DAPK3: variants seen among roughly 807,000 people sequenced by gnomAD.
The protein encoded by DAPK3 is death-associated protein kinase 3.
In DAPK3, 24 loss-of-function variants were observed where a neutral mutation model predicts 30.6. That is an observed-to-expected ratio of 0.78 (90% CI 0.57 to 1.10). The LOEUF is 1.10. DAPK3 is among the 50% of genes least tolerant of loss of function. The pLI, the probability that DAPK3 is intolerant of heterozygous loss-of-function variation, is 0.00. For missense variants in DAPK3, 629 were observed against 657.3 expected (o/e 0.96, Z 0.47); for synonymous variants, 341 against 284.0 (o/e 1.20, Z -2.02).
In DAPK3 at chr19:3,966,979, G is replaced by A. The variant is rs1044943809; in HGVS notation, c.63-1988C>T. Among the ~76,000 whole-genome samples, 10 of 152,214 alleles carry A rather than the reference G, an allele frequency of 6.6e-5. No individual in the cohort carries two copies. In the East Asian group the frequency reaches 1.4e-3, roughly 21 times the overall value. ...CCCAAGAGCTGAGCCCACCCTCTTC[G>A]CTTCTCTGTAACTTCCCCAGCCCCC... is the stretch of plus-strand genomic sequence containing the variant. On this transcript the variant is annotated intron_variant, in intron 2 of 8. Transcript: ENST00000545797.
In DAPK3 at chr19:3,969,718, C is replaced by T; in HGVS notation, c.18G>A (p.Gln6=). 1 of 1,612,226 alleles carries T rather than the reference C, an allele frequency of 6.2e-7. No homozygotes were observed. Among genetic ancestry groups the T allele is most frequent in the Non-Finnish European group, 8.5e-7 (1 of 1,179,048 alleles). Residue 6 remains glutamine (Q), a synonymous_variant, in exon 2 of 9, where the codon CAG becomes CAA. Transcript: ENST00000545797. MSTFR[Q]EDVEDHYEMG... ...TCTCATAATGGTCCTCCACGTCCTC[C>T]TGCCTGAACGTGGACATGGCGGCCG...
At position 3,959,045 on chromosome 19, in the gene DAPK3, G is replaced by GC; in HGVS notation, c.*55dup. On this transcript the variant is annotated 3_prime_UTR_variant, in exon 9 of 9. Coordinates refer to ENST00000545797, the MANE Select transcript of DAPK3 (RefSeq NM_001348.3). ...GGGAGGCGCAGCGTCCACAGGAAGCGCCCCCACCGCAGGCCGAGCTCCGGC... is the reference window on the plus strand; with the variant it reads ...GGGAGGCGCAGCGTCCACAGGAAGCGCCCCCCACCGCAGGCCGAGCTCCGGC... The GC allele has an allele frequency of 8.7e-7, 1 of 1,154,568 alleles. No individual in the cohort carries two copies. The highest frequency in any genetic ancestry group is 1.2e-6 in the Non-Finnish European group (1 of 845,952). The allele number at this position is 1,154,568 out of a possible 1,614,324, so 71.5% of individuals were successfully genotyped here. A position where few individuals can be genotyped will look rare whatever the true frequency, so the allele number is the denominator to read the frequency against.
rs568747653 is a variant in DAPK3 at position 3,958,940 on chromosome 19, G to T, written c.*161C>A. 1.5e-5 allele frequency: 9 copies of T among 587,546 alleles called. No homozygotes were observed. Among genetic ancestry groups the T allele is most frequent in the Non-Finnish European group, 2.7e-5 (9 of 334,776 alleles). The allele number at this position is 587,546 out of a possible 1,614,324, so 36.4% of individuals were successfully genotyped here. A position where few individuals can be genotyped will look rare whatever the true frequency, so the allele number is the denominator to read the frequency against. On this transcript the variant is annotated 3_prime_UTR_variant, in exon 9 of 9. Coordinates refer to ENST00000545797, the MANE Select transcript of DAPK3 (RefSeq NM_001348.3). ...CCGTCCCACACCCACCCCTGCCTGCGAACTTACGGGCCTGGCTCCAGCTCC... is the reference window on the plus strand; with the variant it reads ...CCGTCCCACACCCACCCCTGCCTGCTAACTTACGGGCCTGGCTCCAGCTCC...
chr19:3,967,736 C>T (rs1485858676), intron 2 of DAPK3, among the ~76,000 whole-genome samples: 1 of 152,226 alleles, frequency 6.6e-6, no homozygotes, highest in Non-Finnish European at 1.5e-5. Flanking sequence ...GTCTCGGCAA[C>T]AGAGCCAGAC....
intron 2 of DAPK3, among the ~76,000 whole-genome samples, chr19:3,965,459 A>AT (rs1210578303): frequency 6.6e-6 from 1 of 152,126 alleles, no homozygotes; most frequent in Non-Finnish European, 1.5e-5. Context: ...TCTACCAAAA[A>AT]TACAAAAAAT....
At chr19:3,961,761 T>A in intron 6 of DAPK3, 1 of 321,836 alleles carries the variant, frequency 3.1e-6, no homozygotes, top group South Asian at 2.5e-5. Context: ...AGCCTCAGAC[T>A]GGAGGCGGCG....
chr19:3,961,242 C>A, intron 6 of DAPK3, 81 bp from the exon 7 acceptor site: 1 of 1,202,292 alleles, frequency 8.3e-7, no homozygotes. Flanking sequence ...CCACGACAGG[C>A]GGAGCACAGA....
Position 3,959,279 on chromosome 19 carries a change from T to A in DAPK3, c.1187A>T (p.Gln396Leu). 1 of 1,597,610 alleles carries A rather than the reference T, an allele frequency of 6.3e-7. No individual in the cohort carries two copies. The highest frequency in any genetic ancestry group is 1.1e-5 in the South Asian group (1 of 90,494). Reference sequence around the variant, plus strand: ...CAGCAGCGCGCCCTTGGCCTCCTCCTGCGCCTGCCGCTTGAGCGCCTCGGT... The same window carrying A: ...CAGCAGCGCGCCCTTGGCCTCCTCCAGCGCCTGCCGCTTGAGCGCCTCGGT... ...LKTEALKRQAQEEAKGALLGT... is the reference protein window; with the variant it reads ...LKTEALKRQALEEAKGALLGT... The change falls in exon 9 of 9, where the codon CAG becomes CTG. Residue 396 changes from glutamine to leucine, a missense_variant. Transcript: ENST00000545797.
intron 6 of DAPK3, among the ~76,000 whole-genome samples, chr19:3,962,787 CAAAAAAAAA>C (rs35117218): frequency 2.9e-5 from 2 of 68,086 alleles, no homozygotes; most frequent in Non-Finnish European, 5.2e-5. Flanking sequence ...AACTCTGTCT[CAAAAAAAAA>C]AAAAAAAAAA....
Position 3,964,896 on chromosome 19 carries a change from C to A in DAPK3, c.158G>T (p.Arg53Leu). Reference sequence around the variant, plus strand: ...GATCTCCTCCCGGCTCACCCCACGCCGGCTGGATGACAGGCGGCGCTTCTT... The same window carrying A: ...GATCTCCTCCCGGCTCACCCCACGCAGGCTGGATGACAGGCGGCGCTTCTT... ...FIKKRRLSSS[R>L]RGVSREEIER... is the part of the protein sequence containing the mutation. Residue 53 changes from arginine (R) to leucine (L), a missense_variant, in exon 3 of 9, where the codon CGG becomes CTG. Transcript: ENST00000545797. 1.2e-6 allele frequency: 2 copies of A among 1,612,530 alleles called. No individual in the cohort carries two copies. Among genetic ancestry groups the A allele is most frequent in the Non-Finnish European group, 1.7e-6 (2 of 1,178,616 alleles).
Position 3,964,964 on chromosome 19 carries a change from G to T in DAPK3, c.90C>A (p.Cys30Ter), listed in dbSNP as rs765486615. The T allele has an allele frequency of 2.5e-6, 4 of 1,607,916 alleles. No individual in the cohort carries two copies. The highest frequency in any genetic ancestry group is 3.4e-6 in the Non-Finnish European group (4 of 1,176,512). Residue 30 changes from cysteine (C) to a stop codon, truncating the protein, a stop_gained, in exon 3 of 9, where the codon TGC becomes TGA. Transcript: ENST00000545797. LOFTEE classifies it high-confidence loss of function. ...GSGQFAIVRK[C>*]RQKGTGKEYA... ...ACTCCTTGCCCGTGCCCTTCTGCCGGCACTTCCGCACGATCGCAAACTGGC... is the reference window on the plus strand; with the variant it reads ...ACTCCTTGCCCGTGCCCTTCTGCCGTCACTTCCGCACGATCGCAAACTGGC...
chr19:3,964,555 C>G (rs1177997984), intron 3 of DAPK3, 76 bp downstream of exon 3: 3 of 1,448,930 alleles, frequency 2.1e-6, no homozygotes, highest in Non-Finnish European at 2.8e-6. Flanking sequence ...GCAGGAGGTG[C>G]CTTCCAGGCT....
intron 2 of DAPK3, among the ~76,000 whole-genome samples, chr19:3,967,238 C>G (rs1038889145): frequency 6.6e-6 from 1 of 150,450 alleles, no homozygotes. Flanking sequence ...ATCACGATGT[C>G]AGGAGTTCAA....
chr19:3,961,451 G>A, intron 6 of DAPK3: 1 of 573,452 alleles, frequency 1.7e-6, no homozygotes. Flanking sequence ...AAAGCCCCCA[G>A]TGCTCAGTAA....
At chr19:3,965,693 C>A (rs1180659553) in intron 2 of DAPK3, among the ~76,000 whole-genome samples, 1 of 152,028 alleles carries the variant, frequency 6.6e-6, no homozygotes, top group African/African-American at 2.4e-5. Flanking sequence ...GAGACAGGGT[C>A]TGGCCCTGTT....
rs1332708329 is a variant in DAPK3 at position 3,964,661 on chromosome 19, G to C, written c.393C>G (p.His131Gln). The change falls in exon 3 of 9, where the codon CAC (histidine) becomes CAG (glutamine). Residue 131 changes from histidine (H) to glutamine (Q), a missense_variant. Physicochemically the swap from His to Gln is conservative, Grantham distance 24. This residue lies in a region of DAPK3 where 306 missense variants were observed against 378.5 expected (regional missense o/e 0.81). Coordinates refer to ENST00000545797, the MANE Select transcript of DAPK3 (RefSeq NM_001348.3). ...KQILDGVHYLHSKRIAHFDLK... is the reference protein window; with the variant it reads ...KQILDGVHYLQSKRIAHFDLK... ...GGTCAAAGTGTGCGATGCGCTTAGA[G>C]TGCAGGTAGTGAACGCCGTCCAGGA... is the stretch of plus-strand genomic sequence containing the variant. 1 of 1,610,910 alleles carries C rather than the reference G, an allele frequency of 6.2e-7. No individual in the cohort carries two copies. The highest frequency in any genetic ancestry group is 1.3e-5 in the African/African-American group (1 of 74,216).
At chr19:3,969,548 C>T (rs2039613774) in intron 2 of DAPK3, 126 bp downstream of exon 2, 6 of 619,870 alleles carry the variant, frequency 9.7e-6, no homozygotes, top group Non-Finnish European at 1.7e-5. Flanking sequence ...TCCCCCACCG[C>T]ATGATACTGA....
At chr19:3,969,980 G>A (rs547517589) in intron 1 of DAPK3, 151 bp from the exon 2 acceptor site, 3 of 543,280 alleles carry the variant, frequency 5.5e-6, no homozygotes, top group South Asian at 2.5e-5. Context: ...TGTTTACTGG[G>A]CTGGGTCCTG....
intron 6 of DAPK3, among the ~76,000 whole-genome samples, chr19:3,963,359 G>A (rs1011738989): frequency 4.6e-5 from 7 of 152,104 alleles, no homozygotes; most frequent in Non-Finnish European, 8.8e-5. Context: ...CTTGCACTTC[G>A]AGAGGAGGCT....
Sources: allele counts gnomAD v4.1 joint callset (sites outside exome capture counted in the v4.1 genomes callset), GRCh38; gene constraint gnomAD v4.1.1; regional missense constraint gnomAD v4.1.1; transcripts MANE v1.5; gene names NCBI Gene and HGNC (gene_info 2026-07-23, HGNC 2026-07-21).